C17orf67: variants seen among roughly 807,000 people sequenced by gnomAD.
C17orf67 encodes the protein uncharacterized protein C17orf67.
In C17orf67, 12 loss-of-function variants were observed where a neutral mutation model predicts 11.2. The ratio of observed to expected loss-of-function variants is 1.07; its 90% CI spans 0.68 to 1.73. C17orf67 has a LOEUF of 1.73. C17orf67 is among the 40% of genes most tolerant of loss of function. The probability of loss-of-function intolerance (pLI) is 0.00; values close to 1 mark genes in which losing one functional copy is unlikely to be tolerated. For synonymous variants in C17orf67, 59 were observed against 46.9 expected (o/e 1.26, Z -1.05); for missense variants, 115 against 113.5 (o/e 1.01, Z -0.06).
intron 6 of C17orf67, among the ~76,000 whole-genome samples, chr17:56,811,479 C>T (rs1905623722): frequency 6.6e-6 from 1 of 152,152 alleles, no homozygotes; most frequent in African/African-American, 2.4e-5. Context: ...GAGCTCGAGA[C>T]TCTCTTCTTG....
rs775742827 is a variant in C17orf67, at chr17:56,792,077, T to C, written c.*296A>G. On this transcript the variant is annotated 3_prime_UTR_variant, in exon 8 of 8. Coordinates refer to ENST00000397861, the MANE Select transcript of C17orf67 (RefSeq NM_001085430.4). Reference sequence around the variant, plus strand: ...CAACTCCTGGTCTGGGAGTTCCAGCTCCATCAACCCCAGGTAAGATTCTGG... The same window carrying C: ...CAACTCCTGGTCTGGGAGTTCCAGCCCCATCAACCCCAGGTAAGATTCTGG... The C allele has an allele frequency of 5.9e-5, 9 of 152,168 alleles. No homozygotes were observed. Among genetic ancestry groups the C allele is most frequent in the Admixed American group, 1.3e-4 (2 of 15,276 alleles). The allele number at this position is 152,168 out of a possible 1,614,324, so 9.4% of individuals were successfully genotyped here.
At chr17:56,809,734 C>G (rs1034967835) in intron 6 of C17orf67, among the ~76,000 whole-genome samples, 2 of 145,682 alleles carry the variant, frequency 1.4e-5, no homozygotes, top group African/African-American at 5.1e-5. Flanking sequence ...CCCTCACACC[C>G]CTCTACACAC....
intron 2 of C17orf67, among the ~76,000 whole-genome samples, chr17:56,828,484 T>C (rs1450861132): frequency 6.6e-6 from 1 of 152,212 alleles, no homozygotes; most frequent in Non-Finnish European, 1.5e-5. Flanking sequence ...GAATCCGCCT[T>C]CTTAACAAGT....
intron 6 of C17orf67, among the ~76,000 whole-genome samples, chr17:56,800,376 TA>T (rs1312481925): frequency 1.3e-5 from 2 of 152,172 alleles, no homozygotes; most frequent in Non-Finnish European, 2.9e-5. Context: ...CAAAGTGATA[TA>T]TTTTTTTAAT....
chr17:56,830,352 A>G (rs1012295977), intron 2 of C17orf67, among the ~76,000 whole-genome samples: 4 of 152,200 alleles, frequency 2.6e-5, no homozygotes, highest in Non-Finnish European at 5.9e-5. Context: ...CTCAAAAAAA[A>G]AAAAAGAAAA....
chr17:56,799,627 G>A lies in C17orf67; in HGVS notation c.157-4447C>T, dbSNP rs762578356. Among the ~76,000 whole-genome samples the A allele has an allele frequency of 1.4e-4, 21 of 152,266 alleles. 1 individual carries two copies. Among genetic ancestry groups the A allele is most frequent in the Non-Finnish European group, 2.5e-4 (17 of 68,008 alleles). On this transcript the variant is annotated intron_variant, in intron 6 of 7. Transcript: ENST00000397861. ...TTATTGAATCGTATGTTAAGAGTAC[G>A]TCTGGTTTTGTAAGAAACTGCCAAA...
chr17:56,802,622 A>G (rs1041375580), intron 6 of C17orf67, among the ~76,000 whole-genome samples: 1 of 152,256 alleles, frequency 6.6e-6, no homozygotes, highest in South Asian at 2.1e-4. Flanking sequence ...CTGGGATCCC[A>G]ATACTACAGG....
At chr17:56,821,192 T>C (rs895446070) in intron 4 of C17orf67, among the ~76,000 whole-genome samples, 2 of 152,116 alleles carry the variant, frequency 1.3e-5, no homozygotes, top group Non-Finnish European at 2.9e-5. Context: ...CAAAGGAACA[T>C]TTTTTTAAGT....
chr17:56,811,981 A>C (rs957356314), intron 6 of C17orf67, among the ~76,000 whole-genome samples: 1 of 151,932 alleles, frequency 6.6e-6, no homozygotes, highest in Non-Finnish European at 1.5e-5. Flanking sequence ...CATCCCCCAT[A>C]CCCAGGTCCC....
intron 6 of C17orf67, among the ~76,000 whole-genome samples, chr17:56,811,184 C>T (rs927673023): frequency 2.0e-5 from 3 of 152,160 alleles, no homozygotes; most frequent in Non-Finnish European, 4.4e-5. Flanking sequence ...CAGAGCCCTA[C>T]AATATGAGAC....
chr17:56,816,787 A>C (rs1905771562), intron 4 of C17orf67, among the ~76,000 whole-genome samples: 1 of 152,202 alleles, frequency 6.6e-6, no homozygotes, highest in South Asian at 2.1e-4. Context: ...GTCATTTCAA[A>C]TTCAAATCAT....
intron 6 of C17orf67, among the ~76,000 whole-genome samples, chr17:56,809,757 ACACACCC>A (rs1905553215): frequency 7.3e-6 from 1 of 136,258 alleles, no homozygotes; most frequent in African/African-American, 2.8e-5. Context: ...ACACCCTCAC[ACACACCC>A]CTCTACACAC....
chr17:56,809,218 G>T (rs1404520456), intron 6 of C17orf67, among the ~76,000 whole-genome samples: 2 of 151,752 alleles, frequency 1.3e-5, no homozygotes, highest in African/African-American at 2.4e-5. Flanking sequence ...CATTTAAGAG[G>T]CTGTGTCCTG....
In C17orf67 at chr17:56,822,436, T is replaced by G. The variant is rs567604893; in HGVS notation, c.-201+2303A>C. On this transcript the variant is annotated intron_variant, in intron 4 of 7. Transcript: ENST00000397861. The stretch of plus-strand genomic sequence containing the variant: ...TTGCCTGTGTTACGTTGGAGCTGAG[T>G]GACATTGGGGAAATTTCTTAACTTT... 2.4e-3 allele frequency among the ~76,000 whole-genome samples: 368 copies of G among 152,240 alleles called. 1 individual carries two copies. Among genetic ancestry groups the G allele is most frequent in the Non-Finnish European group, 2.4e-3 (162 of 68,028 alleles).
At chr17:56,805,552 A>G (rs1905426328) in intron 6 of C17orf67, among the ~76,000 whole-genome samples, 1 of 152,234 alleles carries the variant, frequency 6.6e-6, no homozygotes, top group South Asian at 2.1e-4. Context: ...CTCTCAGAAG[A>G]CAGTGACATT....
chr17:56,801,030 C>T (rs1905308752), intron 6 of C17orf67, among the ~76,000 whole-genome samples: 1 of 152,242 alleles, frequency 6.6e-6, no homozygotes, highest in African/African-American at 2.4e-5. Flanking sequence ...GCGCAGGCAA[C>T]AGGGTGAGGC....
At chr17:56,816,096 A>C (rs1597995728) in intron 4 of C17orf67, 86 bp from the exon 5 acceptor site, 1 of 370,218 alleles carries the variant, frequency 2.7e-6, no homozygotes, top group East Asian at 5.1e-5. Context: ...TCATTTAAAC[A>C]GACAGATAAG....
chr17:56,805,282 C>A (rs1422066255), intron 6 of C17orf67, among the ~76,000 whole-genome samples: 1 of 152,202 alleles, frequency 6.6e-6, no homozygotes, highest in East Asian at 1.9e-4. Context: ...GCAGAAGATA[C>A]AACTACAAAA....
chr17:56,813,869 C>T (rs1348063581), intron 6 of C17orf67, among the ~76,000 whole-genome samples: 1 of 151,656 alleles, frequency 6.6e-6, no homozygotes, highest in East Asian at 1.9e-4. Flanking sequence ...TTTATTATCC[C>T]CATTTTATAG....
Sources: gnomAD v4.1 joint callset for allele counts (sites outside exome capture counted in the v4.1 genomes callset) on GRCh38, gnomAD v4.1.1 for gene constraint, MANE v1.5 for transcripts, NCBI Gene and HGNC (gene_info 2026-07-23, HGNC 2026-07-21) for gene names.